The following GOLPH3 variants were observed in gnomAD, a reference collection of about 807,000 sequenced individuals.
The protein encoded by GOLPH3 is golgi phosphoprotein 3, also known as coat protein GPP34.
GOLPH3 carries 14 observed loss-of-function variants against 28.5 expected under a neutral mutation model. That is an observed-to-expected ratio of 0.49 (90% confidence interval 0.32 to 0.77). GOLPH3 has a LOEUF of 0.77. Among genes scored for constraint, GOLPH3 ranks in the 30% least tolerant of loss-of-function variants. GOLPH3 has a pLI of 0.03. For missense variants in GOLPH3, 350 were observed against 393.7 expected, an observed-to-expected ratio of 0.89 and a Z score of 0.94; for synonymous variants, 158 against 159.2, an observed-to-expected ratio of 0.99 and a Z score of 0.06.
chr5:32,166,146 T>A (rs770493355), intron 1 of GOLPH3, among the ~76,000 whole-genome samples: 11 of 152,194 alleles, frequency 7.2e-5, no homozygotes, highest in Non-Finnish European at 1.2e-4. Flanking sequence ...AACTTCTCCA[T>A]TAAAGGAATA....
intron 1 of GOLPH3, among the ~76,000 whole-genome samples, chr5:32,168,024 T>C (rs888400515): frequency 4.6e-5 from 7 of 152,204 alleles, no homozygotes; most frequent in African/African-American, 1.7e-4. Context: ...GTATATCTCA[T>C]ACCTGTGTTT....
intron 1 of GOLPH3, among the ~76,000 whole-genome samples, chr5:32,153,822 T>C (rs1440751405): frequency 6.6e-6 from 1 of 152,188 alleles, no homozygotes; most frequent in Non-Finnish European, 1.5e-5. Flanking sequence ...GAAAGAGTCC[T>C]ACAAGCAGTA....
intron 1 of GOLPH3, among the ~76,000 whole-genome samples, chr5:32,172,553 G>C (rs762168670): frequency 1.3e-5 from 2 of 152,104 alleles, no homozygotes; most frequent in Non-Finnish European, 2.9e-5. Flanking sequence ...AAATTAGCTG[G>C]GCATGGCGGC....
intron 1 of GOLPH3, 58 bp from the exon 2 acceptor site, chr5:32,143,938 TA>T: frequency 8.1e-7 from 1 of 1,229,296 alleles, no homozygotes; most frequent in Non-Finnish European, 1.1e-6. Flanking sequence ...GAATTCAGAG[TA>T]AAAAACAGAA....
intron 1 of GOLPH3, among the ~76,000 whole-genome samples, chr5:32,163,630 C>A (rs189721737): frequency 6.6e-6 from 1 of 151,894 alleles, no homozygotes; most frequent in Non-Finnish European, 1.5e-5. Flanking sequence ...TCCAGTCTGG[C>A]GACAGAGCAT....
intron 1 of GOLPH3, among the ~76,000 whole-genome samples, chr5:32,165,475 CAGA>C (rs1241166400): frequency 6.6e-6 from 1 of 151,904 alleles, no homozygotes; most frequent in African/African-American, 2.4e-5. Context: ...CCCAGCTACT[CAGA>C]AGGTTGAGGC....
chr5:32,163,963 A>C (rs1229792583), intron 1 of GOLPH3, among the ~76,000 whole-genome samples: 1 of 152,222 alleles, frequency 6.6e-6, no homozygotes, highest in Non-Finnish European at 1.5e-5. Context: ...GAGTAAAAAT[A>C]ACCATTAGCA....
intron 2 of GOLPH3, among the ~76,000 whole-genome samples, chr5:32,142,456 T>C (rs1391281721): frequency 6.7e-5 from 9 of 134,804 alleles, no homozygotes; most frequent in Admixed American, 3.7e-4. Context: ...GGCAGCCACC[T>C]CGTCCGGGAG....
intron 1 of GOLPH3, among the ~76,000 whole-genome samples, chr5:32,170,214 C>T (rs1032412788): frequency 2.6e-5 from 4 of 152,128 alleles, no homozygotes; most frequent in African/African-American, 9.7e-5. Context: ...AAAGCAGACA[C>T]AAAGTACAAA....
Position 32,126,607 on chromosome 5 carries a change from A to G in GOLPH3, c.502T>C (p.Tyr168His), listed in dbSNP as rs1466667875. ...CGTTCCCGTACATTTCTTAACTGAT[A>G]ATGCAATTTTAATGGATTCCATGTC... ...GETWNPLKLH[Y>H]QLRNVRERLA... The change falls in exon 4 of 4, where the codon TAT becomes CAT. Residue 168 changes from tyrosine (Y) to histidine (H), a missense_variant. Transcript: ENST00000265070. The G allele has an allele frequency of 6.2e-7, 1 of 1,613,180 alleles. No individual in the cohort carries two copies.
chr5:32,155,721 G>A lies in GOLPH3; in HGVS notation c.226-11841C>T, dbSNP rs532329366. Among the ~76,000 whole-genome samples, 18 of 152,118 alleles carry A rather than the reference G, an allele frequency of 1.2e-4. 1 individual carries two copies. Among genetic ancestry groups the A allele is most frequent in the Middle Eastern group, 3.4e-3 (1 of 294 alleles). On this transcript the variant is annotated intron_variant, in intron 1 of 3. Coordinates refer to ENST00000265070, the MANE Select transcript of GOLPH3 (RefSeq NM_022130.4). Reference sequence around the variant, plus strand: ...GCCTATAATCTCAGCACTTTGGGAGGCCGAGGCAGGCAGATCACCTGAGGT... The same window carrying A: ...GCCTATAATCTCAGCACTTTGGGAGACCGAGGCAGGCAGATCACCTGAGGT...
intron 1 of GOLPH3, among the ~76,000 whole-genome samples, chr5:32,145,921 C>T (rs1441603344): frequency 6.6e-6 from 1 of 152,142 alleles, no homozygotes; most frequent in Non-Finnish European, 1.5e-5. Flanking sequence ...CCAACAAAGA[C>T]ACACCAAACA....
chr5:32,169,040 G>GT (rs1746775445), intron 1 of GOLPH3, among the ~76,000 whole-genome samples: 1 of 152,046 alleles, frequency 6.6e-6, no homozygotes, highest in Non-Finnish European at 1.5e-5. Context: ...TTGGGAGACT[G>GT]AAGCGGGAGG....
chr5:32,137,556 G>C (rs993001051), intron 2 of GOLPH3, among the ~76,000 whole-genome samples: 3 of 152,058 alleles, frequency 2.0e-5, no homozygotes, highest in Non-Finnish European at 4.4e-5. Flanking sequence ...CTACTTGGGA[G>C]GCTGAGGCAG....
At chr5:32,171,280 TA>T (rs967098517) in intron 1 of GOLPH3, among the ~76,000 whole-genome samples, 116 of 146,812 alleles carry the variant, frequency 7.9e-4, no homozygotes, top group African/African-American at 1.7e-3. Flanking sequence ...TGATGAGCTT[TA>T]AAAAAAAAAA....
At chr5:32,148,945 A>C (rs1746242500) in intron 1 of GOLPH3, among the ~76,000 whole-genome samples, 1 of 152,232 alleles carries the variant, frequency 6.6e-6, no homozygotes, top group Non-Finnish European at 1.5e-5. Flanking sequence ...ACTGCACCCC[A>C]GCCTGGGCAA....
At chr5:32,151,727 T>C (rs1746311700) in intron 1 of GOLPH3, among the ~76,000 whole-genome samples, 1 of 152,176 alleles carries the variant, frequency 6.6e-6, no homozygotes, top group Admixed American at 6.5e-5. Flanking sequence ...TGGATAAATA[T>C]AGTATATGCA....
intron 1 of GOLPH3, among the ~76,000 whole-genome samples, chr5:32,151,614 T>C (rs1431699169): frequency 6.6e-6 from 1 of 152,170 alleles, no homozygotes; most frequent in Non-Finnish European, 1.5e-5. Context: ...TGCTTTGTCA[T>C]TCATAATAAA....
chr5:32,169,911 A>C (rs1158838008), intron 1 of GOLPH3, among the ~76,000 whole-genome samples: 1 of 152,070 alleles, frequency 6.6e-6, no homozygotes, highest in Non-Finnish European at 1.5e-5. Flanking sequence ...TTATAAAAGC[A>C]AAAAACAAAT....
Sources: allele counts gnomAD v4.1 joint callset (sites outside exome capture counted in the v4.1 genomes callset), GRCh38; gene constraint gnomAD v4.1.1; transcripts MANE v1.5; gene names NCBI Gene and HGNC (gene_info 2026-07-23, HGNC 2026-07-21).